DSCAML1: variants seen among roughly 807,000 people sequenced by gnomAD.
The protein encoded by DSCAML1 is DS cell adhesion molecule like 1.
In DSCAML1, 38 loss-of-function variants were observed where a neutral mutation model predicts 200.5. That is an observed-to-expected ratio of 0.19 (90% CI 0.15 to 0.25). DSCAML1 has a LOEUF of 0.25. DSCAML1 is among the 10% of genes least tolerant of loss of function. DSCAML1 has a pLI of 1.00. For synonymous variants in DSCAML1, 1,215 were observed against 1,165.0 expected, an observed-to-expected ratio of 1.04 and a Z score of -0.87; for missense variants, 2,223 against 2,858.8, an observed-to-expected ratio of 0.78 and a Z score of 5.07.
intron 11 of DSCAML1, among the ~76,000 whole-genome samples, chr11:117,496,032 C>T (rs889299311): frequency 6.6e-6 from 1 of 152,212 alleles, no homozygotes; most frequent in African/African-American, 2.4e-5. Context: ...GCTCCTCCTT[C>T]CACCTGGATG....
At chr11:117,719,727 A>G (rs1280566538) in intron 3 of DSCAML1, among the ~76,000 whole-genome samples, 9 of 152,224 alleles carry the variant, frequency 5.9e-5, no homozygotes, top group Admixed American at 5.9e-4. Flanking sequence ...GGCAGAGCAG[A>G]AGTCTGAACC....
chr11:117,806,884 T>C (rs878870419), intron 1 of DSCAML1, among the ~76,000 whole-genome samples: 3 of 152,234 alleles, frequency 2.0e-5, no homozygotes, highest in African/African-American at 7.2e-5. Flanking sequence ...AGTTGACTCA[T>C]GGCCAGTTTT....
intron 3 of DSCAML1, among the ~76,000 whole-genome samples, chr11:117,762,200 A>C (rs1319971449): frequency 6.6e-6 from 1 of 152,254 alleles, no homozygotes; most frequent in Non-Finnish European, 1.5e-5. Context: ...AAGGGCTCTG[A>C]CAAGATAAGT....
At chr11:117,649,034 C>CCATAT (rs2052574766) in intron 3 of DSCAML1, among the ~76,000 whole-genome samples, 1 of 123,040 alleles carries the variant, frequency 8.1e-6, no homozygotes, top group African/African-American at 3.5e-5. Context: ...TCTCTCTCTC[C>CCATAT]ATATATATGT....
At chr11:117,696,273 G>C (rs1203261863) in intron 3 of DSCAML1, among the ~76,000 whole-genome samples, 2 of 152,174 alleles carry the variant, frequency 1.3e-5, no homozygotes, top group African/African-American at 4.8e-5. Flanking sequence ...CCCCCCTGGG[G>C]GCTTGATCTC....
chr11:117,725,597 C>T (rs1412436675), intron 3 of DSCAML1, among the ~76,000 whole-genome samples: 1 of 152,186 alleles, frequency 6.6e-6, no homozygotes, highest in Non-Finnish European at 1.5e-5. Context: ...GAAAACATAT[C>T]ATCCGTTCCG....
chr11:117,446,259 G>A (rs2048175017), intron 20 of DSCAML1, among the ~76,000 whole-genome samples: 1 of 152,230 alleles, frequency 6.6e-6, no homozygotes. Flanking sequence ...AGTTACTTGG[G>A]AGGCTGAGGC....
At chr11:117,449,935 T>C (rs1187618560) in intron 20 of DSCAML1, among the ~76,000 whole-genome samples, 1 of 152,116 alleles carries the variant, frequency 6.6e-6, no homozygotes, top group Non-Finnish European at 1.5e-5. Flanking sequence ...AGAGCATCAG[T>C]GGAAGGGCGG....
chr11:117,704,348 G>A (rs1330792401), intron 3 of DSCAML1, among the ~76,000 whole-genome samples: 1 of 152,116 alleles, frequency 6.6e-6, no homozygotes, highest in Non-Finnish European at 1.5e-5. Context: ...AACAAGGTGA[G>A]TCAAAGTATC....
At chr11:117,677,127 A>T (rs1352096936) in intron 3 of DSCAML1, among the ~76,000 whole-genome samples, 1 of 152,214 alleles carries the variant, frequency 6.6e-6, no homozygotes, top group Non-Finnish European at 1.5e-5. Flanking sequence ...TGGCTCTGAT[A>T]TCCTCAATTT....
At chr11:117,508,019 C>T (rs1230273062) in intron 8 of DSCAML1, among the ~76,000 whole-genome samples, 2 of 152,186 alleles carry the variant, frequency 1.3e-5, no homozygotes, top group African/African-American at 2.4e-5. Flanking sequence ...GCTGACCCCC[C>T]TCCTAGTTGG....
In DSCAML1 at chr11:117,504,107, C is replaced by T; in HGVS notation, c.2183-86G>A. 10 of 1,484,046 alleles carry T rather than the reference C, an allele frequency of 6.7e-6. No homozygotes were observed. The highest frequency in any genetic ancestry group is 9.2e-6 in the Non-Finnish European group (10 of 1,088,330). The allele number at this position is 1,484,046 out of a possible 1,614,324, so 91.9% of individuals were successfully genotyped here. ...CCAGGAGTGGCCCTGACACCTCGCT[C>T]TTGCAGATCTAGGGCCATTTTGTAG... On this transcript the variant is annotated intron_variant, in intron 10 of 32. Coordinates refer to ENST00000651296, the MANE Select transcript of DSCAML1 (RefSeq NM_020693.4). The surrounding 1 kb of genome is among the most constrained non-coding windows in gnomAD (Gnocchi z 5.0).
Position 117,780,278 on chromosome 11 carries a change from A to AAG in DSCAML1, c.364+213_364+214dup, listed in dbSNP as rs1277173819. ...AAAGAAAGAAAGAAAGAAAGAAAGAAAGAAAGAAAGAAAGAAAGAAAGAAA... is the reference window on the plus strand; with the variant it reads ...AAAGAAAGAAAGAAAGAAAGAAAGAAAGAGAAAGAAAGAAAGAAAGAAAGAAA... On this transcript the variant is annotated intron_variant, in intron 2 of 32. Coordinates refer to ENST00000651296, the MANE Select transcript of DSCAML1 (RefSeq NM_020693.4). This position sits in a 1 kb window ranked among gnomAD's most constrained non-coding sequence, Gnocchi z 4.8. 1.0e-5 allele frequency among the ~76,000 whole-genome samples: 1 copy of AAG among 96,754 alleles called. No homozygotes were observed. Among genetic ancestry groups the AAG allele is most frequent in the African/African-American group, 3.2e-5 (1 of 30,968 alleles). The allele number at this position is 96,754 out of a possible 152,430, so 63.5% of individuals were successfully genotyped here.
intron 3 of DSCAML1, among the ~76,000 whole-genome samples, chr11:117,704,903 A>G (rs1237085077): frequency 6.6e-6 from 1 of 152,184 alleles, no homozygotes; most frequent in African/African-American, 2.4e-5. Context: ...TCAGAGGAAC[A>G]CTGGAAAAGC....
chr11:117,702,743 A>C (rs1591419118), intron 3 of DSCAML1, among the ~76,000 whole-genome samples: 1 of 152,202 alleles, frequency 6.6e-6, no homozygotes, highest in East Asian at 1.9e-4. Context: ...ACTGAGTTTC[A>C]TCATAATACT....
intron 3 of DSCAML1, among the ~76,000 whole-genome samples, chr11:117,572,888 T>C (rs966658024): frequency 6.6e-6 from 1 of 151,914 alleles, no homozygotes; most frequent in Non-Finnish European, 1.5e-5. Flanking sequence ...GAATGTGGGG[T>C]CAATCAGGCA....
At chr11:117,453,651 C>T (rs2048321236) in intron 19 of DSCAML1, among the ~76,000 whole-genome samples, 2 of 151,870 alleles carry the variant, frequency 1.3e-5, no homozygotes, top group Non-Finnish European at 2.9e-5. Flanking sequence ...GGTAATCCGT[C>T]TTTTCTCCTC....
intron 3 of DSCAML1, among the ~76,000 whole-genome samples, chr11:117,535,332 C>A (rs532987340): frequency 1.4e-4 from 22 of 152,236 alleles, no homozygotes; most frequent in Non-Finnish European, 2.1e-4. Context: ...CCATTGATCC[C>A]GGTTGAGCTA....
At chr11:117,695,345 C>G (rs1304768702) in intron 3 of DSCAML1, among the ~76,000 whole-genome samples, 1 of 140,530 alleles carries the variant, frequency 7.1e-6, no homozygotes, top group Non-Finnish European at 1.5e-5. Flanking sequence ...GCTAACCAAC[C>G]TGCAGAATAG....
Sources: gnomAD v4.1 joint callset for allele counts (sites outside exome capture counted in the v4.1 genomes callset) on GRCh38, gnomAD v4.1.1 for gene constraint, Gnocchi (gnomAD v3.1) non-coding constraint, MANE v1.5 for transcripts, NCBI Gene and HGNC (gene_info 2026-07-23, HGNC 2026-07-21) for gene names.